Variants in DNAH11 observed in about 807,000 individuals in gnomAD.
DNAH11 encodes the protein dynein axonemal heavy chain 11, also known as axonemal beta dynein heavy chain 11.
In DNAH11, 442 loss-of-function variants were observed where a neutral mutation model predicts 526.0. The ratio of observed to expected loss-of-function variants is 0.84; its 90% CI spans 0.78 to 0.91. The LOEUF (loss-of-function observed/expected upper bound fraction) is 0.91, where lower values mean the gene tolerates loss of function less well. Among genes scored for constraint, DNAH11 ranks in the 40% least tolerant of loss-of-function variants. DNAH11 has a pLI of 0.00. For synonymous variants in DNAH11, 2,461 were observed against 1,935.9 expected (o/e 1.27, Z -7.12); for missense variants, 6,989 against 5,448.7 (o/e 1.28, Z -8.90).
chr7:21,710,861 A>T (rs372165872), intron 41 of DNAH11, among the ~76,000 whole-genome samples, 158 bp downstream of exon 41: 10 of 152,294 alleles, frequency 6.6e-5, no homozygotes, highest in African/African-American at 2.4e-4. Flanking sequence ...TAATTTTCTT[A>T]ATTTCACCAT....
At chr7:21,555,019 G>A (rs961556340) in intron 2 of DNAH11, among the ~76,000 whole-genome samples, 1 of 152,196 alleles carries the variant, frequency 6.6e-6, no homozygotes, top group Non-Finnish European at 1.5e-5. Context: ...CATGGAGGGG[G>A]TATGGATGAT....
chr7:21,681,717 T>C (rs538658906), intron 31 of DNAH11, 40 bp downstream of exon 31: 1 of 1,612,262 alleles, frequency 6.2e-7, no homozygotes, highest in South Asian at 1.1e-5. Flanking sequence ...CATTATTGTT[T>C]CCTGAAAGTG....
At chr7:21,746,244 G>A (rs1320106148) in intron 51 of DNAH11, among the ~76,000 whole-genome samples, 1 of 152,160 alleles carries the variant, frequency 6.6e-6, no homozygotes, top group African/African-American at 2.4e-5. Flanking sequence ...ATTGACACCA[G>A]CAGGAAGACT....
rs1036851692 is a variant in DNAH11, at chr7:21,599,944, C to T, written c.2825C>T (p.Pro942Leu). Reference protein sequence around the residue: ...KNTEKQLKPAPFFQAQMILLP... With the variant: ...KNTEKQLKPALFFQAQMILLP... ...ACAGAGAAACAATTGAAACCGGCAC[C>T]GTTTTTTCAAGCACAAATGATCTTG... Residue 942 changes from proline to leucine, a missense_variant, in exon 15 of 82, where the codon CCG becomes CTG. Transcript: ENST00000409508. 5 of 1,609,784 alleles carry T rather than the reference C, an allele frequency of 3.1e-6. No homozygotes were observed. The highest frequency in any genetic ancestry group is 3.3e-5 in the Admixed American group (2 of 59,772).
chr7:21,613,559 G>T (rs1180882810), intron 20 of DNAH11, among the ~76,000 whole-genome samples: 6 of 152,154 alleles, frequency 3.9e-5, no homozygotes, highest in Non-Finnish European at 5.9e-5. Context: ...TACATAGTAG[G>T]AAATGAAGAG....
intron 49 of DNAH11, among the ~76,000 whole-genome samples, chr7:21,743,614 G>A (rs1485608262): frequency 5.9e-5 from 9 of 152,144 alleles, no homozygotes. Flanking sequence ...CACAGCATTA[G>A]GCAGTAGCTT....
chr7:21,594,555 G>C (rs574678123), intron 14 of DNAH11, among the ~76,000 whole-genome samples: 1 of 152,224 alleles, frequency 6.6e-6, no homozygotes, highest in Non-Finnish European at 1.5e-5. Flanking sequence ...GGGTGGGGTC[G>C]AGGATGCAGT....
chr7:21,846,369 T>A (rs1782419531), intron 66 of DNAH11, among the ~76,000 whole-genome samples: 1 of 152,192 alleles, frequency 6.6e-6, no homozygotes, highest in Admixed American at 6.5e-5. Flanking sequence ...TTCTTTTAGA[T>A]CTTCTTTATC....
chr7:21,894,289 A>G (rs544410834), intron 77 of DNAH11, among the ~76,000 whole-genome samples: 6 of 152,376 alleles, frequency 3.9e-5, no homozygotes, highest in Admixed American at 2.0e-4. Flanking sequence ...ATATCTTTAC[A>G]TATAAATAAC....
At chr7:21,713,306 G>A (rs1784531862) in intron 42 of DNAH11, among the ~76,000 whole-genome samples, 1 of 152,108 alleles carries the variant, frequency 6.6e-6, no homozygotes, top group South Asian at 2.1e-4. Flanking sequence ...CACATTAGTG[G>A]GCTCCTTGCC....
Position 21,711,895 on chromosome 7 carries a change from G to T in DNAH11, c.6983+35G>T, listed in dbSNP as rs536093327. 5 of 1,567,062 alleles carry T rather than the reference G, an allele frequency of 3.2e-6. No individual in the cohort carries two copies. The African/African-American group carries it at 5.4e-5, about 17-fold the overall frequency. ...TCTTTTTGTTTTATTGTAGTAAATTGTATGTAACATAACATTTACCATTTT... is the reference window on the plus strand; with the variant it reads ...TCTTTTTGTTTTATTGTAGTAAATTTTATGTAACATAACATTTACCATTTT... On this transcript the variant is annotated intron_variant, in intron 42 of 81. Coordinates refer to ENST00000409508, the MANE Select transcript of DNAH11 (RefSeq NM_001277115.2).
intron 2 of DNAH11, among the ~76,000 whole-genome samples, chr7:21,549,503 T>C (rs953488631): frequency 3.3e-5 from 5 of 151,870 alleles, no homozygotes; most frequent in African/African-American, 9.7e-5. Context: ...AATGGGGGGG[T>C]TGAGTTTTTT....
intron 65 of DNAH11, among the ~76,000 whole-genome samples, chr7:21,841,805 C>T (rs1782214442): frequency 6.6e-6 from 1 of 152,186 alleles, no homozygotes; most frequent in Admixed American, 6.5e-5. Flanking sequence ...CATACAAATG[C>T]ACGACACTGA....
rs185588130 is a variant in DNAH11, at chr7:21,744,376, A to C, written c.8155-62A>C. ...TCACATTTTAGTTTAAAAAGTGTTA[A>C]ACTCATTTGACATGTCATCAGCCTC... On this transcript the variant is annotated intron_variant, in intron 49 of 81. Coordinates refer to ENST00000409508, the MANE Select transcript of DNAH11 (RefSeq NM_001277115.2). 2.5e-3 allele frequency: 3,911 copies of C among 1,551,692 alleles called. 8 individuals carry two copies. Among genetic ancestry groups the C allele is most frequent in the Admixed American group, 4.4e-3 (229 of 51,940 alleles).
intron 8 of DNAH11, 81 bp downstream of exon 8, chr7:21,572,054 T>C (rs1015199004): frequency 4.6e-5 from 57 of 1,227,428 alleles, no homozygotes; most frequent in East Asian, 5.5e-5. Context: ...ACAGTGATAA[T>C]AGGGACCATC....
intron 55 of DNAH11, among the ~76,000 whole-genome samples, chr7:21,770,201 T>C (rs1174868254): frequency 6.6e-6 from 1 of 152,124 alleles, no homozygotes; most frequent in African/African-American, 2.4e-5. Flanking sequence ...ATATTTTGGG[T>C]TTCAGATTTT....
intron 54 of DNAH11, among the ~76,000 whole-genome samples, chr7:21,759,706 G>T (rs1265596810): frequency 1.3e-5 from 2 of 152,152 alleles, no homozygotes; most frequent in Non-Finnish European, 2.9e-5. Context: ...CAGAGTGACT[G>T]TAGCAATTCA....
At chr7:21,602,557 TTGTGTGTGTGTGTGTGTGTG>T (rs60703018) in intron 18 of DNAH11, among the ~76,000 whole-genome samples, 13 of 149,124 alleles carry the variant, frequency 8.7e-5, no homozygotes, top group Admixed American at 1.3e-4. Context: ...ATTTTATAGA[TTGTGTGTGTGTGTGTGTGTG>T]TGTGTGTGTG....
At chr7:21,549,188 C>CTT (rs1457298633) in intron 2 of DNAH11, among the ~76,000 whole-genome samples, 1 of 152,156 alleles carries the variant, frequency 6.6e-6, no homozygotes, top group Non-Finnish European at 1.5e-5. Context: ...CAATGACAGA[C>CTT]TTTTATAAGT....
Sources: allele counts gnomAD v4.1 joint callset (sites outside exome capture counted in the v4.1 genomes callset), GRCh38; gene constraint gnomAD v4.1.1; transcripts MANE v1.5; gene names NCBI Gene and HGNC (gene_info 2026-07-23, HGNC 2026-07-21).